The following CPLANE1 variants were observed in gnomAD, a reference collection of about 807,000 sequenced individuals.
CPLANE1 encodes ciliogenesis and planar polarity effector 1.
In CPLANE1, 263 loss-of-function variants were observed where a neutral mutation model predicts 362.5. The observed-to-expected ratio is 0.73, with a 90% CI of 0.66 to 0.80. The LOEUF is 0.80. Among genes scored for constraint, CPLANE1 ranks in the 30% least tolerant of loss-of-function variants. The pLI is 0.00. For synonymous variants in CPLANE1, 1,212 were observed against 1,302.6 expected (o/e 0.93, Z 1.50); for missense variants, 3,461 against 3,793.4 (o/e 0.91, Z 2.30).
chr5:37,159,613 C>G (rs910032707), intron 38 of CPLANE1, among the ~76,000 whole-genome samples: 3 of 152,262 alleles, frequency 2.0e-5, no homozygotes, highest in East Asian at 1.9e-4. Context: ...AGGCCTCTAG[C>G]CTTATCTTCT....
chr5:37,240,329 G>A (rs1243469171), intron 6 of CPLANE1, among the ~76,000 whole-genome samples: 6 of 151,896 alleles, frequency 4.0e-5, no homozygotes, highest in Non-Finnish European at 7.4e-5. Flanking sequence ...CAGCCTGGGC[G>A]ACAGAGTGAG....
Position 37,211,214 on chromosome 5 carries a change from G to A in CPLANE1, c.2920+2345C>T. 4 of 1,453,074 alleles carry A rather than the reference G, an allele frequency of 2.8e-6. No homozygotes were observed. The African/African-American group carries it at 4.2e-5, about 15-fold the overall frequency. 90.0% of individuals were successfully genotyped at this position (1,453,074 alleles called of 1,614,324 possible). On this transcript the variant is annotated intron_variant, in intron 16 of 52. Coordinates refer to ENST00000651892, the MANE Select transcript of CPLANE1 (RefSeq NM_001384732.1). The stretch of plus-strand genomic sequence containing the variant: ...CAAATTATCCAAATGCAGGGATGGA[G>A]GGTAGTTCCCCTGATTCTGACCTTG...
At chr5:37,086,984 G>A in the CPLANE1 span, among the ~76,000 whole-genome samples, 1 of 152,170 alleles carries the variant, frequency 6.6e-6, no homozygotes, top group Admixed American at 6.5e-5. Flanking sequence ...ATTGGTGCCC[G>A]CTTGGGATCT....
intron 37 of CPLANE1, among the ~76,000 whole-genome samples, chr5:37,163,797 G>A (rs2150833014): frequency 6.6e-6 from 1 of 152,252 alleles, no homozygotes; most frequent in South Asian, 2.1e-4. Flanking sequence ...TGATGAGAGG[G>A]TTAGAACTAC....
the CPLANE1 span, chr5:37,085,109 G>T: frequency 1.3e-6 from 1 of 743,840 alleles, no homozygotes; most frequent in South Asian, 1.4e-5. Flanking sequence ...CAAAGCATTG[G>T]ATGCTGGATA....
rs1796727512 is a variant in CPLANE1, at chr5:37,227,592, T to C, written c.1347A>G (p.Ile449Met). 1 of 1,551,214 alleles carries C rather than the reference T, an allele frequency of 6.4e-7. No homozygotes were observed. The highest frequency in any genetic ancestry group is 1.2e-5 in the South Asian group (1 of 83,886). Residue 449 changes from isoleucine (I) to methionine (M), a missense_variant, in exon 10 of 53, where the codon ATA (isoleucine) becomes ATG (methionine). By Grantham distance (10) the Ile-to-Met change is conservative. Around this residue, in one of 2 missense-constraint regions of CPLANE1, gnomAD observed 3,380 missense variants for 3,666.1 expected, o/e 0.92. Coordinates refer to ENST00000651892, the MANE Select transcript of CPLANE1 (RefSeq NM_001384732.1). The stretch of plus-strand genomic sequence containing the variant: ...CCTTAGACAATATCACACTTTGATA[T>C]ATTTTCTCAAGCCTCTGGGTTGAAT... The part of the protein sequence containing the change: ...LLDSTQRLEK[I>M]YQSVILSKPK...
At chr5:37,077,576 A>G in the CPLANE1 span, among the ~76,000 whole-genome samples, 6 of 145,528 alleles carry the variant, frequency 4.1e-5, no homozygotes, top group East Asian at 1.2e-3. Context: ...TGAATACACT[A>G]TATCAAGAAA....
intron 36 of CPLANE1, among the ~76,000 whole-genome samples, chr5:37,164,886 C>T (rs985056749): frequency 2.0e-5 from 3 of 152,164 alleles, no homozygotes; most frequent in African/African-American, 7.2e-5. Context: ...GGAAGGATCA[C>T]TTGAGGTCAG....
At chr5:37,076,002 G>A in the CPLANE1 span, among the ~76,000 whole-genome samples, 1 of 152,128 alleles carries the variant, frequency 6.6e-6, no homozygotes, top group South Asian at 2.1e-4. Flanking sequence ...CCAGCACTTT[G>A]GGAGGCTGAG....
chr5:37,085,607 G>A, the CPLANE1 span: 3,431 of 920,836 alleles, frequency 3.7e-3, 29 homozygotes, highest in Middle Eastern at 4.2e-3. Context: ...CCTGTGTATG[G>A]TGACTGGAGG....
intron 8 of CPLANE1, among the ~76,000 whole-genome samples, chr5:37,236,522 G>T (rs1316818153): frequency 6.6e-6 from 1 of 152,128 alleles, no homozygotes; most frequent in Admixed American, 6.5e-5. Context: ...GCTAGGCAAA[G>T]AATTTATGAC....
chr5:37,132,581 T>C (rs189271655), intron 46 of CPLANE1, among the ~76,000 whole-genome samples: 2 of 152,026 alleles, frequency 1.3e-5, no homozygotes, highest in African/African-American at 4.8e-5. Context: ...CTCCTGACCT[T>C]GTAATCCGCC....
rs1757867611 is a variant in CPLANE1, at chr5:37,107,578, T to C, written c.*24A>G. The C allele has an allele frequency of 6.3e-7, 1 of 1,589,658 alleles. No individual in the cohort carries two copies. The highest frequency in any genetic ancestry group is 1.7e-5 in the Admixed American group (1 of 58,512). On this transcript the variant is annotated 3_prime_UTR_variant, in exon 53 of 53. Coordinates refer to ENST00000651892, the MANE Select transcript of CPLANE1 (RefSeq NM_001384732.1). ...CATTACTGAGGTGCTGGCCTGTGCA[T>C]GGAAACCCAATGATATCCAGGTCTT... is the stretch of plus-strand genomic sequence containing the variant.
the CPLANE1 span, among the ~76,000 whole-genome samples, chr5:37,088,865 G>A: frequency 2.0e-5 from 3 of 152,182 alleles, no homozygotes; most frequent in African/African-American, 7.2e-5. Context: ...ATCTAGTAAA[G>A]GAATTAATGT....
intron 21 of CPLANE1, among the ~76,000 whole-genome samples, chr5:37,193,742 G>GTTTTT (rs1786348315): frequency 6.6e-6 from 1 of 151,716 alleles, no homozygotes; most frequent in Admixed American, 6.6e-5. Flanking sequence ...TTTTGTTTTT[G>GTTTTT]TTTTTGTTTT....
Position 37,181,016 on chromosome 5 carries a change from C to T in CPLANE1, c.5422-11G>A. On this transcript the variant is annotated splice_polypyrimidine_tract_variant and intron_variant, in intron 26 of 52. Coordinates refer to ENST00000651892, the MANE Select transcript of CPLANE1 (RefSeq NM_001384732.1). ...ACGATTCTCTACCATCTAAAGCAAA[C>T]CATTTAAAGTATTTAGTATTTATTG... 6.2e-7 allele frequency: 1 copy of T among 1,609,038 alleles called. No individual in the cohort carries two copies. Among genetic ancestry groups the T allele is most frequent in the Non-Finnish European group, 8.5e-7 (1 of 1,177,154 alleles).
rs182956633 is a variant in CPLANE1 at position 37,132,395 on chromosome 5, A to T, written c.8792+6325T>A. Among the ~76,000 whole-genome samples the T allele has an allele frequency of 2.3e-4, 28 of 121,856 alleles. No homozygotes were observed. In the East Asian group the frequency reaches 6.6e-3, roughly 29 times the overall value. The allele number at this position is 121,856 out of a possible 152,430, so 79.9% of individuals were successfully genotyped here. ...AGTCTTGCTCTGTCGCCCAGGCTGG[A>T]GTGCATTGGCGCAATCTCGGCTCAC... On this transcript the variant is annotated intron_variant, in intron 46 of 52. Coordinates refer to ENST00000651892, the MANE Select transcript of CPLANE1 (RefSeq NM_001384732.1).
intron 20 of CPLANE1, among the ~76,000 whole-genome samples, chr5:37,196,365 A>T (rs539850267): frequency 6.6e-6 from 1 of 152,304 alleles, no homozygotes; most frequent in African/African-American, 2.4e-5. Context: ...AATACAAAAA[A>T]ATTATGCCTA....
chr5:37,104,149 C>T (rs973723548), downstream of CPLANE1, among the ~76,000 whole-genome samples: 1 of 152,128 alleles, frequency 6.6e-6, no homozygotes, highest in African/African-American at 2.4e-5. Flanking sequence ...TCCACTTGGC[C>T]TATTCTGTTA....
Sources: gnomAD v4.1 joint callset for allele counts (sites outside exome capture counted in the v4.1 genomes callset) on GRCh38, gnomAD v4.1.1 for gene constraint, gnomAD v4.1.1 regional missense constraint, MANE v1.5 for transcripts, NCBI Gene and HGNC (gene_info 2026-07-23, HGNC 2026-07-21) for gene names.